Variants in STX8 observed in about 807,000 individuals in gnomAD.
STX8 encodes the protein syntaxin 8, also known as syntaxin-8.
Under a neutral mutation model 37.5 loss-of-function variants are expected in STX8, and 23 were observed. The ratio of observed to expected loss-of-function variants is 0.61; its 90% confidence interval spans 0.44 to 0.87. The LOEUF (loss-of-function observed/expected upper bound fraction) is 0.87, where lower values mean the gene tolerates loss of function less well. Ranked by LOEUF, STX8 falls within the 40% of genes least tolerant of loss-of-function variation. The probability of loss-of-function intolerance (pLI) is 0.00; values close to 1 mark genes in which losing one functional copy is unlikely to be tolerated. For missense variants in STX8, 313 were observed against 284.7 expected, an observed-to-expected ratio of 1.10 and a Z score of -0.71; for synonymous variants, 115 against 99.1, an observed-to-expected ratio of 1.16 and a Z score of -0.95.
At chr17:9,508,006 C>T (rs908589497) in intron 4 of STX8, among the ~76,000 whole-genome samples, 2 of 152,110 alleles carry the variant, frequency 1.3e-5, no homozygotes, top group African/African-American at 4.8e-5. Flanking sequence ...CATAGGGATA[C>T]ATCGAACATG....
chr17:9,568,934 C>T (rs1403351224), intron 1 of STX8, among the ~76,000 whole-genome samples: 1 of 152,176 alleles, frequency 6.6e-6, no homozygotes, highest in African/African-American at 2.4e-5. Flanking sequence ...TACCATGTGC[C>T]AGGCACTATT....
At chr17:9,408,990 G>C (rs1912891990) in intron 6 of STX8, among the ~76,000 whole-genome samples, 1 of 151,904 alleles carries the variant, frequency 6.6e-6, no homozygotes, top group Non-Finnish European at 1.5e-5. Flanking sequence ...GGAAATCAGA[G>C]TTAAGCCCAG....
chr17:9,477,314 G>A (rs188146062), intron 6 of STX8, among the ~76,000 whole-genome samples: 40 of 152,208 alleles, frequency 2.6e-4, no homozygotes, highest in African/African-American at 8.9e-4. Flanking sequence ...AATTTGGGGG[G>A]TGACATATAA....
chr17:9,515,468 G>A (rs778153745), intron 4 of STX8, among the ~76,000 whole-genome samples: 2 of 151,774 alleles, frequency 1.3e-5, no homozygotes, highest in Non-Finnish European at 2.9e-5. Flanking sequence ...TTACTAAAAC[G>A]ACAGGTGTGT....
chr17:9,302,606 A>G (rs1171646016), intron 7 of STX8, among the ~76,000 whole-genome samples: 2 of 152,172 alleles, frequency 1.3e-5, no homozygotes, highest in Non-Finnish European at 2.9e-5. Flanking sequence ...ATGGACACAT[A>G]AGCAGCACAC....
At chr17:9,254,237 C>T (rs1440497109) in intron 7 of STX8, among the ~76,000 whole-genome samples, 3 of 152,166 alleles carry the variant, frequency 2.0e-5, no homozygotes, top group Non-Finnish European at 2.9e-5. Context: ...AAGGTAGGGG[C>T]CCTGCCTCCC....
chr17:9,254,929 A>G (rs773158347), intron 7 of STX8, among the ~76,000 whole-genome samples: 76 of 152,216 alleles, frequency 5.0e-4, no homozygotes, highest in Non-Finnish European at 9.8e-4. Context: ...CAAGAGAGGC[A>G]TAGAAGGAGT....
intron 6 of STX8, among the ~76,000 whole-genome samples, chr17:9,451,400 T>G (rs550051672): frequency 6.6e-6 from 1 of 152,206 alleles, no homozygotes; most frequent in East Asian, 1.9e-4. Flanking sequence ...CCACGTTTAA[T>G]GTAACTTTCC....
intron 3 of STX8, chr17:9,555,450 A>C (rs1345406661): frequency 6.6e-6 from 1 of 152,228 alleles, no homozygotes; most frequent in Non-Finnish European, 1.5e-5. Context: ...AAGCAAATGC[A>C]TATTATATCA....
At chr17:9,272,824 C>T (rs999091029) in intron 7 of STX8, among the ~76,000 whole-genome samples, 1 of 152,212 alleles carries the variant, frequency 6.6e-6, no homozygotes, top group South Asian at 2.1e-4. Flanking sequence ...TTTATTGACA[C>T]ACTAAAATAT....
At chr17:9,537,894 G>A (rs922279002) in intron 4 of STX8, among the ~76,000 whole-genome samples, 4 of 152,064 alleles carry the variant, frequency 2.6e-5, no homozygotes, top group African/African-American at 7.2e-5. Flanking sequence ...CTGATTGTAT[G>A]ATTCTTTATT....
chr17:9,340,563 T>C (rs1910313366), intron 7 of STX8, among the ~76,000 whole-genome samples: 1 of 152,040 alleles, frequency 6.6e-6, no homozygotes, highest in Admixed American at 6.6e-5. Context: ...GAAAATCTAC[T>C]CTTATGAATC....
chr17:9,446,209 T>G (rs1904846658), intron 6 of STX8, among the ~76,000 whole-genome samples: 1 of 152,174 alleles, frequency 6.6e-6, no homozygotes. Flanking sequence ...CAGGGACTAT[T>G]TTATTCACCA....
intron 6 of STX8, among the ~76,000 whole-genome samples, chr17:9,427,993 C>T (rs142799013): frequency 1.3e-5 from 2 of 152,236 alleles, no homozygotes; most frequent in East Asian, 3.9e-4. Context: ...CTCTGCTTTT[C>T]AGTTGAGCTG....
At chr17:9,341,291 C>T (rs1264928104) in intron 7 of STX8, among the ~76,000 whole-genome samples, 5 of 152,070 alleles carry the variant, frequency 3.3e-5, no homozygotes, top group African/African-American at 7.2e-5. Context: ...TTTCTATGCC[C>T]GCCTGGCCTC....
Position 9,499,050 on chromosome 17 carries a change from T to C in STX8, c.448+5988A>G, listed in dbSNP as rs1159666065. Among the ~76,000 whole-genome samples the C allele has an allele frequency of 3.3e-5, 5 of 152,222 alleles. No individual in the cohort carries two copies. In the East Asian group the frequency reaches 9.6e-4, roughly 29 times the overall value. The stretch of plus-strand genomic sequence containing the variant: ...AGCCAAATTGGCTAATTTGTTACGA[T>C]GAGGCTTCACTTCTAGGTTAGGCAA... On this transcript the variant is annotated intron_variant, in intron 5 of 7. Coordinates refer to ENST00000306357, the MANE Select transcript of STX8 (RefSeq NM_004853.3).
At chr17:9,345,208 C>T (rs1012757524) in intron 7 of STX8, among the ~76,000 whole-genome samples, 2 of 151,778 alleles carry the variant, frequency 1.3e-5, no homozygotes, top group African/African-American at 2.4e-5. Context: ...TGGAGTGCCA[C>T]GGTGCAATCT....
At chr17:9,434,026 C>T (rs536581054) in intron 6 of STX8, among the ~76,000 whole-genome samples, 29 of 151,342 alleles carry the variant, frequency 1.9e-4, no homozygotes, top group South Asian at 1.3e-3. Context: ...TTTTTTGAGA[C>T]GGAGGCTCAC....
intron 7 of STX8, among the ~76,000 whole-genome samples, chr17:9,343,221 C>T (rs1027899378): frequency 7.2e-5 from 11 of 152,040 alleles, no homozygotes; most frequent in Admixed American, 2.6e-4. Context: ...GAAACCAAAC[C>T]ACACTGTTGC....
Sources: allele counts gnomAD v4.1 joint callset (sites outside exome capture counted in the v4.1 genomes callset), GRCh38; gene constraint gnomAD v4.1.1; transcripts MANE v1.5; gene names NCBI Gene and HGNC (gene_info 2026-07-23, HGNC 2026-07-21).